Variants in IGF2BP2 observed in about 807,000 individuals in gnomAD.
IGF2BP2 encodes the protein insulin-like growth factor 2 mRNA-binding protein 2.
IGF2BP2 carries 17 observed loss-of-function variants against 75.8 expected under a neutral mutation model. The ratio of observed to expected loss-of-function variants is 0.22; its 90% CI spans 0.15 to 0.34. IGF2BP2 has a LOEUF of 0.34. Ranked by LOEUF, IGF2BP2 falls within the 10% of genes least tolerant of loss-of-function variation. The pLI is 1.00. For synonymous variants in IGF2BP2, 288 were observed against 295.6 expected (o/e 0.97, Z 0.26); for missense variants, 516 against 772.4 (o/e 0.67, Z 3.93).
At chr3:185,824,230 A>G (rs1404532623) in intron 1 of IGF2BP2, among the ~76,000 whole-genome samples, 3 of 149,430 alleles carry the variant, frequency 2.0e-5, no homozygotes, top group Non-Finnish European at 1.5e-5. Flanking sequence ...GGGGGTGCCA[A>G]AAGTGGGGGG....
chr3:185,811,865 T>C (rs866104765), intron 2 of IGF2BP2, among the ~76,000 whole-genome samples: 8 of 128,296 alleles, frequency 6.2e-5, no homozygotes, highest in Admixed American at 3.2e-4. Context: ...TCTCTCTCTC[T>C]CTCTCTCTCT....
At chr3:185,648,254 C>T (rs907541897) in intron 14 of IGF2BP2, among the ~76,000 whole-genome samples, 1 of 151,962 alleles carries the variant, frequency 6.6e-6, no homozygotes, top group African/African-American at 2.4e-5. Context: ...GTCGGGAGTT[C>T]GAGACCAGCC....
At chr3:185,666,151 T>C (rs1041061305) in intron 10 of IGF2BP2, among the ~76,000 whole-genome samples, 2 of 152,214 alleles carry the variant, frequency 1.3e-5, no homozygotes, top group Admixed American at 6.5e-5. Context: ...TTAGAAATTA[T>C]ACTCGTGCTA....
chr3:185,819,833 G>A (rs927243508), intron 2 of IGF2BP2, among the ~76,000 whole-genome samples: 1 of 138,486 alleles, frequency 7.2e-6, no homozygotes, highest in Non-Finnish European at 1.5e-5. Flanking sequence ...CAGCAGGGAG[G>A]GCCTGAGATT....
At chr3:185,723,312 T>C (rs1198891726) in intron 2 of IGF2BP2, among the ~76,000 whole-genome samples, 1 of 152,208 alleles carries the variant, frequency 6.6e-6, no homozygotes, top group Non-Finnish European at 1.5e-5. Flanking sequence ...ACTCACTGCT[T>C]GGGTCCACAG....
intron 2 of IGF2BP2, among the ~76,000 whole-genome samples, chr3:185,798,169 C>G (rs530376512): frequency 6.6e-6 from 1 of 152,060 alleles, no homozygotes; most frequent in African/African-American, 2.4e-5. Flanking sequence ...CCACTGCACT[C>G]CTGGGCAGAA....
At position 185,657,364 on chromosome 3, in the gene IGF2BP2, G is replaced by T; in HGVS notation, c.1308C>A (p.Thr436=). The change falls in exon 12 of 16, where the codon ACC becomes ACA. Residue 436 remains threonine (T), a synonymous_variant. Transcript: ENST00000382199. ...EQEIVNLFIP[T]QAVGAIIGKK... is the part of the protein sequence containing the mutation. ...TCCCGATGATGGCGCCCACAGCCTG[G>T]GTTGGGATGAAGAGATTCACAATCT... is the stretch of plus-strand genomic sequence containing the variant. The T allele has an allele frequency of 6.2e-7, 1 of 1,613,950 alleles. No individual in the cohort carries two copies. Among genetic ancestry groups the T allele is most frequent in the Non-Finnish European group, 8.5e-7 (1 of 1,179,916 alleles).
At chr3:185,675,209 C>T (rs1295387576) in intron 9 of IGF2BP2, 87 bp downstream of exon 9, 69 of 1,361,428 alleles carry the variant, frequency 5.1e-5, no homozygotes, top group South Asian at 1.1e-4. Flanking sequence ...CTCTGCATAC[C>T]TATCCTAAGG....
At chr3:185,681,195 A>G (rs747389999) in intron 7 of IGF2BP2, among the ~76,000 whole-genome samples, 60 of 152,346 alleles carry the variant, frequency 3.9e-4, no homozygotes, top group Middle Eastern at 3.4e-3. Flanking sequence ...AGAAAGCCTT[A>G]AAGATTTTAC....
intron 2 of IGF2BP2, among the ~76,000 whole-genome samples, chr3:185,735,090 T>C (rs1282077341): frequency 6.6e-6 from 1 of 152,218 alleles, no homozygotes; most frequent in African/African-American, 2.4e-5. Context: ...TTTATGTGCA[T>C]TTTATCAGTG....
At chr3:185,778,270 C>A (rs1182634485) in intron 2 of IGF2BP2, among the ~76,000 whole-genome samples, 4 of 152,126 alleles carry the variant, frequency 2.6e-5, no homozygotes, top group African/African-American at 9.7e-5. Flanking sequence ...CACACACCCC[C>A]ACACTCACTC....
intron 10 of IGF2BP2, among the ~76,000 whole-genome samples, chr3:185,671,535 C>CAAAAAAA (rs397706922): frequency 7.9e-5 from 7 of 88,678 alleles, no homozygotes; most frequent in Admixed American, 1.3e-4. Flanking sequence ...GACTCCATCT[C>CAAAAAAA]AAAAAAAAAA....
chr3:185,778,005 G>A (rs1380309210), intron 2 of IGF2BP2, among the ~76,000 whole-genome samples: 8 of 151,690 alleles, frequency 5.3e-5, no homozygotes, highest in Admixed American at 3.3e-4. Flanking sequence ...GATTGCAAGA[G>A]TGAGACTCCG....
intron 2 of IGF2BP2, among the ~76,000 whole-genome samples, chr3:185,789,795 A>C (rs1259061754): frequency 7.0e-6 from 1 of 142,872 alleles, no homozygotes; most frequent in African/African-American, 2.6e-5. Flanking sequence ...ATGCAGTGGC[A>C]CAATCCTGGC....
intron 2 of IGF2BP2, among the ~76,000 whole-genome samples, chr3:185,716,017 C>G (rs1725557093): frequency 6.6e-6 from 1 of 152,094 alleles, no homozygotes; most frequent in Non-Finnish European, 1.5e-5. Flanking sequence ...CTCTTTATCT[C>G]AAAATAAAAG....
chr3:185,661,749 T>G (rs909154143), intron 10 of IGF2BP2, among the ~76,000 whole-genome samples: 12 of 151,278 alleles, frequency 7.9e-5, no homozygotes, highest in Non-Finnish European at 1.8e-4. Flanking sequence ...ACTGTCAGCA[T>G]GGAGCTTGTG....
intron 2 of IGF2BP2, among the ~76,000 whole-genome samples, chr3:185,753,346 G>A (rs181015790): frequency 7.2e-5 from 11 of 152,172 alleles, no homozygotes; most frequent in Non-Finnish European, 1.3e-4. Flanking sequence ...TCTGCTTCTC[G>A]TTTCTCACCT....
chr3:185,803,990 G>A (rs188375545), intron 2 of IGF2BP2, among the ~76,000 whole-genome samples: 99 of 152,256 alleles, frequency 6.5e-4, no homozygotes, highest in African/African-American at 2.2e-3. Flanking sequence ...CAGGTGCAGC[G>A]GCTCACGCCT....
At chr3:185,748,056 T>C (rs1429367564) in intron 2 of IGF2BP2, among the ~76,000 whole-genome samples, 1 of 151,992 alleles carries the variant, frequency 6.6e-6, no homozygotes, top group African/African-American at 2.4e-5. Context: ...AGGGTTTCAC[T>C]GTGTTAGCCA....
Sources: gnomAD v4.1 joint callset for allele counts (sites outside exome capture counted in the v4.1 genomes callset) on GRCh38, gnomAD v4.1.1 for gene constraint, MANE v1.5 for transcripts, NCBI Gene and HGNC (gene_info 2026-07-23, HGNC 2026-07-21) for gene names.